The following MYO16 variants were observed in gnomAD, a reference collection of about 807,000 sequenced individuals.
MYO16 encodes myosin XVI.
MYO16 carries 94 observed loss-of-function variants against 205.3 expected under a neutral mutation model. The observed-to-expected ratio is 0.46, with a 90% CI of 0.39 to 0.54. The LOEUF is 0.54. Ranked by LOEUF, MYO16 falls within the 20% of genes least tolerant of loss-of-function variation. The probability of loss-of-function intolerance (pLI) is 0.00; values close to 1 mark genes in which losing one functional copy is unlikely to be tolerated. For synonymous variants in MYO16, 988 were observed against 954.0 expected (o/e 1.04, Z -0.66); for missense variants, 2,315 against 2,387.5 (o/e 0.97, Z 0.63).
chr13:108,560,070 A>C, the MYO16 span, among the ~76,000 whole-genome samples: 1 of 152,136 alleles, frequency 6.6e-6, no homozygotes, highest in Non-Finnish European at 1.5e-5. Context: ...AAAATGTTAG[A>C]TATGCACCTG....
chr13:108,837,956 T>C (rs1216319391), intron 9 of MYO16, among the ~76,000 whole-genome samples: 1 of 152,172 alleles, frequency 6.6e-6, no homozygotes, highest in African/African-American at 2.4e-5. Flanking sequence ...AAAAATTTGG[T>C]ATATGCAAAC....
intron 1 of MYO16, among the ~76,000 whole-genome samples, chr13:108,615,054 A>G (rs935355961): frequency 1.3e-5 from 2 of 152,138 alleles, no homozygotes; most frequent in Non-Finnish European, 2.9e-5. Context: ...CAAAAATTTT[A>G]TATCTGATAT....
chr13:109,094,044 C>T (rs561072210), intron 27 of MYO16, among the ~76,000 whole-genome samples: 4 of 152,216 alleles, frequency 2.6e-5, no homozygotes, highest in South Asian at 2.1e-4. Context: ...CAGCCACACT[C>T]GACTCCTTGA....
At chr13:108,497,333 G>A in the MYO16 span, among the ~76,000 whole-genome samples, 1 of 152,174 alleles carries the variant, frequency 6.6e-6, no homozygotes, top group Non-Finnish European at 1.5e-5. Context: ...TCTAAAACCT[G>A]TCTATTGGTC....
intron 4 of MYO16, among the ~76,000 whole-genome samples, chr13:108,776,373 A>G (rs1184161390): frequency 1.3e-5 from 2 of 152,192 alleles, no homozygotes; most frequent in Non-Finnish European, 2.9e-5. Context: ...AGAAGATTCC[A>G]GAGGCCCACT....
At chr13:108,778,382 G>A (rs901845907) in intron 4 of MYO16, among the ~76,000 whole-genome samples, 1 of 152,200 alleles carries the variant, frequency 6.6e-6, no homozygotes, top group South Asian at 2.1e-4. Flanking sequence ...ACTTTGGGAG[G>A]CCAAGGCAAG....
chr13:108,792,512 CTTTTTT>C (rs35311611), intron 5 of MYO16, among the ~76,000 whole-genome samples: 1 of 129,324 alleles, frequency 7.7e-6, no homozygotes. Context: ...ATACTAATGT[CTTTTTT>C]TTTTTTTTTT....
the MYO16 span, among the ~76,000 whole-genome samples, chr13:108,586,116 G>C: frequency 4.0e-5 from 6 of 151,812 alleles, no homozygotes; most frequent in Non-Finnish European, 8.8e-5. Flanking sequence ...TGCATATGTT[G>C]TATACATTCA....
chr13:108,796,815 T>C (rs7989600), intron 6 of MYO16, among the ~76,000 whole-genome samples: 38,134 of 127,170 alleles, frequency 0.3, 6,747 homozygotes, highest in Middle Eastern at 0.37. Flanking sequence ...ATACCTAATG[T>C]AAAATGACGA....
At chr13:108,646,024 C>T (rs7319281) in intron 1 of MYO16, among the ~76,000 whole-genome samples, 27,664 of 152,020 alleles carry the variant, frequency 0.18, 3,847 homozygotes, top group African/African-American at 0.38. Flanking sequence ...CTGCCTCAGC[C>T]CTGCCCAAGT....
chr13:108,746,000 A>T (rs1885049102), intron 4 of MYO16, among the ~76,000 whole-genome samples: 1 of 151,600 alleles, frequency 6.6e-6, no homozygotes, highest in Non-Finnish European at 1.5e-5. Context: ...ATCCTGGCTA[A>T]CACAGTGAAA....
At chr13:108,601,183 C>T (rs904424588) in intron 1 of MYO16, among the ~76,000 whole-genome samples, 1 of 151,978 alleles carries the variant, frequency 6.6e-6, no homozygotes, top group Non-Finnish European at 1.5e-5. Flanking sequence ...CCATGGAGCA[C>T]CGCAACTGAA....
intron 14 of MYO16, among the ~76,000 whole-genome samples, chr13:108,890,782 A>G (rs1023023373): frequency 1.3e-5 from 2 of 152,176 alleles, no homozygotes; most frequent in Non-Finnish European, 2.9e-5. Context: ...CCTTTACATC[A>G]AGTCCAATAA....
At chr13:108,925,184 G>A (rs960663679) in intron 16 of MYO16, among the ~76,000 whole-genome samples, 3 of 152,062 alleles carry the variant, frequency 2.0e-5, no homozygotes, top group Admixed American at 6.5e-5. Context: ...CACTGGTCCC[G>A]GCATCTCTCT....
chr13:108,545,504 C>G, the MYO16 span, among the ~76,000 whole-genome samples: 7 of 152,128 alleles, frequency 4.6e-5, no homozygotes, highest in Non-Finnish European at 8.8e-5. Flanking sequence ...ATTTCTATTT[C>G]TTTGGGCATA....
At chr13:109,093,094 G>A (rs1212287344) in intron 27 of MYO16, among the ~76,000 whole-genome samples, 1 of 152,102 alleles carries the variant, frequency 6.6e-6, no homozygotes, top group African/African-American at 2.4e-5. Context: ...CCTTGATGTT[G>A]AGAATGTACT....
At chr13:109,007,831 T>A (rs1444465308) in intron 21 of MYO16, among the ~76,000 whole-genome samples, 1 of 152,096 alleles carries the variant, frequency 6.6e-6, no homozygotes, top group Non-Finnish European at 1.5e-5. Context: ...AATATAATGA[T>A]TTGACTGTTG....
In MYO16 at chr13:108,797,742, A is replaced by T. The variant is rs896310395; in HGVS notation, c.741+4102A>T. On this transcript the variant is annotated intron_variant, in intron 6 of 34. Coordinates refer to ENST00000457511, the MANE Select transcript of MYO16 (RefSeq NM_001198950.3). Reference sequence around the variant, plus strand: ...ATGCCTAACACATAATAGAAACGCAATAGAGCCTTTGTTTCTTTGTATGGT... The same window carrying T: ...ATGCCTAACACATAATAGAAACGCATTAGAGCCTTTGTTTCTTTGTATGGT... 1.6e-4 allele frequency among the ~76,000 whole-genome samples: 24 copies of T among 152,234 alleles called. 1 individual carries two copies. The highest frequency in any genetic ancestry group is 5.5e-4 in the African/African-American group (23 of 41,468).
chr13:108,688,240 A>C (rs990476579), intron 2 of MYO16, among the ~76,000 whole-genome samples: 2 of 152,238 alleles, frequency 1.3e-5, no homozygotes, highest in East Asian at 3.9e-4. Flanking sequence ...AGAGAAACAG[A>C]ATGTAGCTCC....
Sources: gnomAD v4.1 joint callset for allele counts (sites outside exome capture counted in the v4.1 genomes callset) on GRCh38, gnomAD v4.1.1 for gene constraint, MANE v1.5 for transcripts, NCBI Gene and HGNC (gene_info 2026-07-23, HGNC 2026-07-21) for gene names.